Variants in PLCG2 observed in about 807,000 individuals in gnomAD.
PLCG2 encodes the protein phospholipase C gamma 2, also known as 1-phosphatidylinositol 4,5-bisphosphate phosphodiesterase gamma-2.
PLCG2 carries 69 observed loss-of-function variants against 175.6 expected under a neutral mutation model. The ratio of observed to expected loss-of-function variants is 0.39; its 90% CI spans 0.32 to 0.48. The LOEUF is 0.48. Ranked by LOEUF, PLCG2 falls within the 20% of genes least tolerant of loss-of-function variation. The pLI, the probability that PLCG2 is intolerant of heterozygous loss-of-function variation, is 0.91. For missense variants in PLCG2, 1,798 were observed against 1,650.9 expected, an observed-to-expected ratio of 1.09 and a Z score of -1.54; for synonymous variants, 827 against 624.0, an observed-to-expected ratio of 1.33 and a Z score of -4.85.
intron 3 of PLCG2, among the ~76,000 whole-genome samples, chr16:81,856,937 A>G (rs1906715534): frequency 2.0e-5 from 3 of 152,214 alleles, no homozygotes; most frequent in Admixed American, 2.0e-4. Context: ...GCCATGAGCT[A>G]AGGAATGTAG....
chr16:81,823,376 C>T (rs1042630517), intron 2 of PLCG2, among the ~76,000 whole-genome samples: 3 of 152,194 alleles, frequency 2.0e-5, no homozygotes, highest in East Asian at 1.9e-4. Flanking sequence ...CCTGTCTGGC[C>T]AGTCCCTGAA....
At chr16:81,776,260 C>G (rs7498610), upstream of PLCG2, among the ~76,000 whole-genome samples, 58,786 of 150,002 alleles carry the variant, frequency 0.39, 11,873 homozygotes, top group East Asian at 0.58. Flanking sequence ...AGGCACCCAC[C>G]ACCAGGCCAG....
At chr16:81,811,889 A>G (rs1402801624) in intron 2 of PLCG2, among the ~76,000 whole-genome samples, 3 of 152,090 alleles carry the variant, frequency 2.0e-5, no homozygotes, top group Non-Finnish European at 2.9e-5. Context: ...ATACCCAGTA[A>G]TAGGATTGCT....
chr16:81,958,003 T>C lies in PLCG2; in HGVS notation c.*5T>C, dbSNP rs752000573. The C allele has an allele frequency of 2.5e-6, 4 of 1,605,592 alleles. No individual in the cohort carries two copies. The highest frequency in any genetic ancestry group is 3.4e-6 in the Non-Finnish European group (4 of 1,172,242). ...AACAGCAAGTTTTACTCATAGAAGC[T>C]GGGGTATGTGTGTAAGGGTATTGTG... is the stretch of plus-strand genomic sequence containing the variant. On this transcript the variant is annotated 3_prime_UTR_variant, in exon 33 of 33. Transcript: ENST00000564138.
In PLCG2 at chr16:81,959,515, C is replaced by T. The variant is rs1289787181; in HGVS notation, c.*1517C>T. ...CCATCCACAAGCTCCTAAAAGAAAG[C>T]CATTTACCTCGCTTGAAGCCAGGAA... is the stretch of plus-strand genomic sequence containing the variant. On this transcript the variant is annotated 3_prime_UTR_variant, in exon 33 of 33. Transcript: ENST00000564138. 9.5e-6 allele frequency: 2 copies of T among 210,706 alleles called. No individual in the cohort carries two copies. Among genetic ancestry groups the T allele is most frequent in the African/African-American group, 2.3e-5 (1 of 44,090 alleles). 13.1% of individuals were successfully genotyped at this position (210,706 alleles called of 1,614,324 possible).
In PLCG2 at chr16:81,907,694, C is replaced by G; in HGVS notation, c.1477C>G (p.Arg493Gly). The change falls in exon 16 of 33, where the codon CGG becomes GGG. Residue 493 changes from arginine to glycine, a missense_variant. Physicochemically the swap from Arg to Gly is moderately radical, Grantham distance 125 (BLOSUM62 -2). Transcript: ENST00000564138. Reference sequence around the variant, plus strand: ...CAGTTTCACTTTCTAGAAATGGACTCGGCACTACTGCGCCATTGCCGATGC... The same window carrying G: ...CAGTTTCACTTTCTAGAAATGGACTGGGCACTACTGCGCCATTGCCGATGC... The part of the protein sequence containing the change: ...MWDSIDQKWT[R>G]HYCAIADAKL... 6.2e-7 allele frequency: 1 copy of G among 1,612,838 alleles called. No individual in the cohort carries two copies. Among genetic ancestry groups the G allele is most frequent in the Non-Finnish European group, 8.5e-7 (1 of 1,178,822 alleles).
chr16:81,919,423 T>G, intron 19 of PLCG2, 61 bp from the exon 20 acceptor site: 1 of 1,350,684 alleles, frequency 7.4e-7, no homozygotes, highest in South Asian at 1.2e-5. Context: ...GTAGGGTTTG[T>G]GTAAAAATTG....
chr16:81,887,007 C>T (rs996895106), intron 9 of PLCG2, among the ~76,000 whole-genome samples: 3 of 152,068 alleles, frequency 2.0e-5, no homozygotes, highest in Non-Finnish European at 4.4e-5. Context: ...CAGTCCAGGG[C>T]CAGGTTATAT....
intron 2 of PLCG2, among the ~76,000 whole-genome samples, chr16:81,814,505 C>T (rs1009122733): frequency 6.6e-6 from 1 of 152,004 alleles, no homozygotes; most frequent in Non-Finnish European, 1.5e-5. Context: ...CCAGCCTGGC[C>T]AAAATGGTGA....
chr16:81,844,143 A>C (rs1174965804), intron 2 of PLCG2, among the ~76,000 whole-genome samples: 1 of 93,910 alleles, frequency 1.1e-5, no homozygotes, highest in African/African-American at 4.1e-5. Context: ...CACCCGGCTG[A>C]TTTTTTTTTT....
At chr16:81,837,887 T>A (rs191655166) in intron 2 of PLCG2, among the ~76,000 whole-genome samples, 2 of 152,300 alleles carry the variant, frequency 1.3e-5, no homozygotes, top group Admixed American at 1.3e-4. Context: ...ACAACATTCA[T>A]AGAACCCACT....
intron 2 of PLCG2, among the ~76,000 whole-genome samples, chr16:81,819,029 C>T (rs1056949403): frequency 1.3e-5 from 2 of 151,864 alleles, no homozygotes; most frequent in African/African-American, 2.4e-5. Context: ...GGTGTAACTC[C>T]TTCAATTTGC....
At chr16:81,927,041 C>A in intron 22 of PLCG2, 41 bp from the exon 23 acceptor site, 1 of 1,349,102 alleles carries the variant, frequency 7.4e-7, no homozygotes, top group Non-Finnish European at 1.1e-6. Context: ...TAATTCATGC[C>A]ACCTGGTGAC....
At position 81,959,841 on chromosome 16, in the gene PLCG2, C is replaced by T. The variant is rs1911716334; in HGVS notation, c.*1843C>T. On this transcript the variant is annotated 3_prime_UTR_variant, in exon 33 of 33. Transcript: ENST00000564138. The stretch of plus-strand genomic sequence containing the variant: ...TCTCAGCTCTGTTAGGACTTCCACA[C>T]AGCAGAGCTCAGGTGTTGCTGTCAT... 1 of 186,444 alleles carries T rather than the reference C, an allele frequency of 5.4e-6. No individual in the cohort carries two copies. The highest frequency in any genetic ancestry group is 6.2e-5 in the Admixed American group (1 of 16,116). 11.5% of individuals were successfully genotyped at this position (186,444 alleles called of 1,614,324 possible).
chr16:81,865,604 G>A (rs1907189146), intron 5 of PLCG2, among the ~76,000 whole-genome samples: 1 of 152,190 alleles, frequency 6.6e-6, no homozygotes, highest in South Asian at 2.1e-4. Flanking sequence ...CTCTGTTCCT[G>A]GACATGGGAT....
chr16:81,934,132 G>T (rs1910613632), intron 25 of PLCG2, among the ~76,000 whole-genome samples: 1 of 152,198 alleles, frequency 6.6e-6, no homozygotes, highest in Admixed American at 6.5e-5. Context: ...GTTAAAGACA[G>T]AGGGGTGGTG....
chr16:81,830,241 G>A (rs1320741642), intron 2 of PLCG2, among the ~76,000 whole-genome samples: 2 of 152,104 alleles, frequency 1.3e-5, no homozygotes, highest in Non-Finnish European at 2.9e-5. Context: ...GATCACCTAA[G>A]CCCAGGAGGT....
intron 1 of PLCG2, among the ~76,000 whole-genome samples, chr16:81,781,824 G>A (rs1382829162): frequency 1.3e-5 from 2 of 151,860 alleles, no homozygotes; most frequent in Admixed American, 6.6e-5. Context: ...AAACTTCCTT[G>A]ATTTCTGGTT....
chr16:81,815,838 A>C (rs1904519582), intron 2 of PLCG2, among the ~76,000 whole-genome samples: 1 of 152,136 alleles, frequency 6.6e-6, no homozygotes, highest in South Asian at 2.1e-4. Context: ...AGGTGGGCGG[A>C]TCACTTGAGG....
Sources: gnomAD v4.1 joint callset for allele counts (sites outside exome capture counted in the v4.1 genomes callset) on GRCh38, gnomAD v4.1.1 for gene constraint, MANE v1.5 for transcripts, NCBI Gene and HGNC (gene_info 2026-07-23, HGNC 2026-07-21) for gene names.